CHIC1: variants seen among roughly 807,000 people sequenced by gnomAD.
CHIC1 encodes the protein cysteine rich hydrophobic domain 1, also known as cysteine-rich hydrophobic domain-containing protein 1.
Under a neutral mutation model 18.5 loss-of-function variants are expected in CHIC1, and 7 were observed. The ratio of observed to expected loss-of-function variants is 0.38; its 90% CI spans 0.22 to 0.71. CHIC1 has a LOEUF of 0.71. Among genes scored for constraint, CHIC1 ranks in the 30% least tolerant of loss-of-function variants. The pLI is 0.49. For synonymous variants in CHIC1, 77 were observed against 73.5 expected, an observed-to-expected ratio of 1.05 and a Z score of -0.25; for missense variants, 159 against 176.9, an observed-to-expected ratio of 0.90 and a Z score of 0.57.
intron 3 of CHIC1, among the ~76,000 whole-genome samples, chrX:73,613,774 C>T (rs891755919): frequency 9.0e-6 from 1 of 110,848 alleles, no homozygotes; most frequent in Admixed American, 9.7e-5. Flanking sequence ...CATTGGATTT[C>T]TGGTTGTTTT....
chrX:73,674,931 T>G (rs2058053626), intron 3 of CHIC1, among the ~76,000 whole-genome samples: 1 of 112,099 alleles, frequency 8.9e-6, no homozygotes, highest in African/African-American at 3.2e-5. Flanking sequence ...TCTGGTATGT[T>G]GTGTCTTTGT....
intron 3 of CHIC1, among the ~76,000 whole-genome samples, chrX:73,586,667 C>A (rs1027035706): frequency 1.2e-4 from 13 of 111,341 alleles, no homozygotes; most frequent in African/African-American, 4.2e-4. Context: ...AAGTGACTTT[C>A]TCAGAATCAC....
chrX:73,587,180 A>G (rs757068713), intron 3 of CHIC1, among the ~76,000 whole-genome samples: 3 of 112,302 alleles, frequency 2.7e-5, no homozygotes, highest in South Asian at 7.2e-4. Flanking sequence ...CCAATTATTG[A>G]AAATATTTCC....
chrX:73,639,126 A>G (rs912911250), intron 3 of CHIC1, among the ~76,000 whole-genome samples: 7 of 111,765 alleles, frequency 6.3e-5, no homozygotes, highest in Non-Finnish European at 1.3e-4. Context: ...TGGTTTTCAC[A>G]TTTTCTACAT....
At chrX:73,628,014 T>C (rs758406978) in intron 3 of CHIC1, among the ~76,000 whole-genome samples, 1 of 111,512 alleles carries the variant, frequency 9.0e-6, no homozygotes, top group South Asian at 3.8e-4. Context: ...AGGTGATAAA[T>C]GTTGCCAGGA....
chrX:73,681,604 G>T lies in CHIC1; in HGVS notation c.*599G>T, dbSNP rs992887063. ...ATAATGTAAAATGTGGTATGCCATG[G>T]TTTACATAATGTAACATTACTCTTA... is the stretch of plus-strand genomic sequence containing the variant. On this transcript the variant is annotated 3_prime_UTR_variant, in exon 6 of 6. Transcript: ENST00000373502. The T allele has an allele frequency of 6.2e-5, 7 of 112,060 alleles. No individual in the cohort carries two copies. Among genetic ancestry groups the T allele is most frequent in the African/African-American group, 2.3e-4 (7 of 30,899 alleles). The allele number at this position is 112,060 out of a possible 1,213,427, so 9.2% of individuals were successfully genotyped here. A position where few individuals can be genotyped will look rare whatever the true frequency, so the allele number is the denominator to read the frequency against.
At chrX:73,572,287 A>G (rs930839187) in intron 1 of CHIC1, among the ~76,000 whole-genome samples, 3 of 111,520 alleles carry the variant, frequency 2.7e-5, no homozygotes, top group African/African-American at 9.7e-5. Flanking sequence ...TGCAAAGAAC[A>G]TGATTTTGTT....
chrX:73,678,950 T>G (rs1409476564), intron 3 of CHIC1, among the ~76,000 whole-genome samples: 1 of 112,066 alleles, frequency 8.9e-6, no homozygotes, highest in East Asian at 2.8e-4. Flanking sequence ...AAAGTAATCC[T>G]AAGACAGTTA....
intron 3 of CHIC1, among the ~76,000 whole-genome samples, chrX:73,617,220 G>A (rs768400980): frequency 1.5e-4 from 17 of 111,852 alleles, no homozygotes; most frequent in Admixed American, 1.3e-3. Flanking sequence ...AACATAGCAA[G>A]AGTCACCTTT....
chrX:73,595,479 C>CAG (rs2057603612), intron 3 of CHIC1, among the ~76,000 whole-genome samples: 1 of 111,283 alleles, frequency 9.0e-6, no homozygotes, highest in Non-Finnish European at 1.9e-5. Context: ...CAGCTTCACC[C>CAG]ATGTCTCTGC....
chrX:73,598,807 T>C (rs1235481889), intron 3 of CHIC1, among the ~76,000 whole-genome samples: 2 of 110,846 alleles, frequency 1.8e-5, no homozygotes, highest in Non-Finnish European at 3.8e-5. Context: ...TGCATGTGTC[T>C]TTATAGCAAC....
intron 3 of CHIC1, among the ~76,000 whole-genome samples, chrX:73,602,862 T>C (rs1261914293): frequency 9.2e-6 from 1 of 108,948 alleles, no homozygotes; most frequent in Non-Finnish European, 1.9e-5. Flanking sequence ...TCTGTTCTGT[T>C]CCATTGATCT....
chrX:73,624,928 CAG>C (rs1168659217), intron 3 of CHIC1, among the ~76,000 whole-genome samples: 1 of 111,822 alleles, frequency 8.9e-6, no homozygotes, highest in Non-Finnish European at 1.9e-5. Context: ...AGGAGATAAA[CAG>C]TGATTTTTAC....
At chrX:73,583,839 T>A (rs1026761049) in intron 2 of CHIC1, among the ~76,000 whole-genome samples, 1 of 111,614 alleles carries the variant, frequency 9.0e-6, no homozygotes, top group African/African-American at 3.2e-5. Context: ...TTATACTGAA[T>A]ATTAACAGGC....
At chrX:73,643,072 A>G (rs2057866838) in intron 3 of CHIC1, among the ~76,000 whole-genome samples, 1 of 111,622 alleles carries the variant, frequency 9.0e-6, no homozygotes, top group African/African-American at 3.3e-5. Flanking sequence ...GGTGGTGACA[A>G]AATCTCTCAG....
At chrX:73,647,363 C>G (rs1378992451) in intron 3 of CHIC1, among the ~76,000 whole-genome samples, 1 of 111,936 alleles carries the variant, frequency 8.9e-6, no homozygotes, top group African/African-American at 3.2e-5. Context: ...AGATGGGTGA[C>G]CAGCACCACA....
chrX:73,605,335 G>A (rs1412680629), intron 3 of CHIC1, among the ~76,000 whole-genome samples: 1 of 106,835 alleles, frequency 9.4e-6, no homozygotes, highest in East Asian at 2.9e-4. Context: ...GCTTTTTTTG[G>A]CCTTCTATTT....
chrX:73,629,758 C>A (rs1485955889), intron 3 of CHIC1, among the ~76,000 whole-genome samples: 1 of 111,771 alleles, frequency 8.9e-6, no homozygotes, highest in Non-Finnish European at 1.9e-5. Flanking sequence ...TCTCAAGATT[C>A]TTTTGGCTAT....
At chrX:73,662,164 A>G (rs1268759285) in intron 3 of CHIC1, among the ~76,000 whole-genome samples, 2 of 110,831 alleles carry the variant, frequency 1.8e-5, no homozygotes, top group African/African-American at 6.6e-5. Context: ...GGTAATCAGA[A>G]AGTGCTATTT....
Sources: gnomAD v4.1 joint callset for allele counts (sites outside exome capture counted in the v4.1 genomes callset) on GRCh38, gnomAD v4.1.1 for gene constraint, MANE v1.5 for transcripts, NCBI Gene and HGNC (gene_info 2026-07-23, HGNC 2026-07-21) for gene names.